The following CACNB4 variants were observed in gnomAD, a reference collection of about 807,000 sequenced individuals.
CACNB4 encodes calcium voltage-gated channel auxiliary subunit beta 4.
Under a neutral mutation model 71.2 loss-of-function variants are expected in CACNB4, and 32 were observed. The ratio of observed to expected loss-of-function variants is 0.45; its 90% confidence interval spans 0.34 to 0.60. CACNB4 has a LOEUF of 0.60. Ranked by LOEUF, CACNB4 falls within the 20% of genes least tolerant of loss-of-function variation. CACNB4 has a pLI of 0.01. For synonymous variants in CACNB4, 231 were observed against 236.9 expected (o/e 0.97, Z 0.23); for missense variants, 464 against 647.9 (o/e 0.72, Z 3.08).
chr2:152,098,824 G>A lies in CACNB4; in HGVS notation c.63+125C>T, dbSNP rs529209177. 6.6e-5 allele frequency: 65 copies of A among 989,870 alleles called. No individual in the cohort carries two copies. The Admixed American group carries it at 1.4e-3, about 21-fold the overall frequency. 61.3% of individuals were successfully genotyped at this position (989,870 alleles called of 1,614,324 possible). A position where few individuals can be genotyped will look rare whatever the true frequency, so the allele number is the denominator to read the frequency against. The stretch of plus-strand genomic sequence containing the variant: ...GACGTGGAGGAGGGGTGGGGGGAGC[G>A]GGGCCGCCGACTCCCGGGACTGGGG... On this transcript the variant is annotated intron_variant, in intron 1 of 13. Transcript: ENST00000539935. The surrounding 1 kb of genome is among the most constrained non-coding windows in gnomAD (Gnocchi z 5.3).
chr2:151,988,445 A>G (rs1161436035), intron 2 of CACNB4, among the ~76,000 whole-genome samples: 1 of 152,160 alleles, frequency 6.6e-6, no homozygotes, highest in Admixed American at 6.5e-5. Context: ...ATCAAATAAT[A>G]AATATATATA....
chr2:152,062,636 C>T (rs1041109700), intron 2 of CACNB4, among the ~76,000 whole-genome samples: 5 of 152,120 alleles, frequency 3.3e-5, no homozygotes, highest in Admixed American at 3.3e-4. Flanking sequence ...CAGCTCTTCA[C>T]GGAGCACTGA....
chr2:151,981,857 G>A (rs1351847465), intron 2 of CACNB4, among the ~76,000 whole-genome samples: 1 of 152,126 alleles, frequency 6.6e-6, no homozygotes, highest in Non-Finnish European at 1.5e-5. Context: ...CAGCAAGCGT[G>A]CTAAAACCTC....
chr2:151,964,001 G>A (rs75489453), intron 2 of CACNB4, among the ~76,000 whole-genome samples: 2,867 of 149,794 alleles, frequency 0.019, 36 homozygotes, highest in Middle Eastern at 0.031. Context: ...CCCGGGAGAC[G>A]GAGGTTGCAG....
chr2:151,931,583 TC>T (rs1165706792), intron 2 of CACNB4, among the ~76,000 whole-genome samples: 3 of 151,966 alleles, frequency 2.0e-5, no homozygotes, highest in Non-Finnish European at 2.9e-5. Context: ...ATTTGGAAGC[TC>T]CCCCTTGGTC....
At chr2:152,066,969 G>C (rs1256422145) in intron 2 of CACNB4, among the ~76,000 whole-genome samples, 4 of 138,584 alleles carry the variant, frequency 2.9e-5, no homozygotes, top group African/African-American at 1.1e-4. Flanking sequence ...ACAGGAAGGG[G>C]AACATCACAC....
rs1379406278 is a variant in CACNB4, at chr2:152,080,232, C to T, written c.147+18098G>A. Among the ~76,000 whole-genome samples, 4 of 152,024 alleles carry T rather than the reference C, an allele frequency of 2.6e-5. No homozygotes were observed. In the South Asian group the frequency reaches 8.3e-4, roughly 32 times the overall value. Reference sequence around the variant, plus strand: ...TGCCTCCTGGGTTCAAGCGATTCTCCTGCCTCAGCCTCCTGACTAGCTGGG... The same window carrying T: ...TGCCTCCTGGGTTCAAGCGATTCTCTTGCCTCAGCCTCCTGACTAGCTGGG... On this transcript the variant is annotated intron_variant, in intron 2 of 13. Transcript: ENST00000539935.
rs574596409 is a variant in CACNB4 at position 151,852,240 on chromosome 2, TTAGAGA to T, written c.1116+1202_1116+1207del. On this transcript the variant is annotated intron_variant, in intron 12 of 13. Coordinates refer to ENST00000539935, the MANE Select transcript of CACNB4 (RefSeq NM_000726.5). ...CTATCTCACCAGGTAACTGTGAAGA[TTAGAGA>T]TAATCTATGTAAAGCATCTAGCACA... The T allele has an allele frequency of 1.6e-3, 237 of 152,328 alleles. 1 individual carries two copies. Among genetic ancestry groups the T allele is most frequent in the African/African-American group, 5.3e-3 (221 of 41,568 alleles). The allele number at this position is 152,328 out of a possible 1,614,324, so 9.4% of individuals were successfully genotyped here. A position where few individuals can be genotyped will look rare whatever the true frequency, so the allele number is the denominator to read the frequency against.
rs145496444 is a variant in CACNB4, at chr2:151,959,651, T to C, written c.148-76281A>G. ...TTATGCATTTCTCATCCTTTTTCTATCTTATTTGTATCCGACTCTTTTTTT... is the reference window on the plus strand; with the variant it reads ...TTATGCATTTCTCATCCTTTTTCTACCTTATTTGTATCCGACTCTTTTTTT... On this transcript the variant is annotated intron_variant, in intron 2 of 13. Transcript: ENST00000539935. Among the ~76,000 whole-genome samples, 164 of 152,336 alleles carry C rather than the reference T, an allele frequency of 1.1e-3. 1 individual carries two copies. Among genetic ancestry groups the C allele is most frequent in the Non-Finnish European group, 1.5e-3 (101 of 68,024 alleles).
chr2:151,871,410 C>T (rs2099844598), intron 6 of CACNB4: 1 of 152,742 alleles, frequency 6.5e-6, no homozygotes, highest in Non-Finnish European at 1.5e-5. Flanking sequence ...ACCAGTTATT[C>T]CTCAGATAAA....
At chr2:152,027,357 T>C (rs1196086324) in intron 2 of CACNB4, among the ~76,000 whole-genome samples, 1 of 152,252 alleles carries the variant, frequency 6.6e-6, no homozygotes, top group Non-Finnish European at 1.5e-5. Flanking sequence ...GGAAATTGGA[T>C]GCTGAACAAA....
chr2:152,077,604 C>T (rs1452624630), intron 2 of CACNB4, among the ~76,000 whole-genome samples: 1 of 151,996 alleles, frequency 6.6e-6, no homozygotes, highest in Non-Finnish European at 1.5e-5. Flanking sequence ...GTGGTGCACA[C>T]CTGTAGTCCC....
At position 152,000,833 on chromosome 2, in the gene CACNB4, C is replaced by T. The variant is rs909982051; in HGVS notation, c.147+97497G>A. Among the ~76,000 whole-genome samples, 6 of 152,308 alleles carry T rather than the reference C, an allele frequency of 3.9e-5. No individual in the cohort carries two copies. In the East Asian group the frequency reaches 5.8e-4, roughly 15 times the overall value. On this transcript the variant is annotated intron_variant, in intron 2 of 13. Transcript: ENST00000539935. ...GACAAGACTGCAGCGAGGACTGATG[C>T]TCATGGCCTGGGCGGAGGATGTGCA...
At chr2:151,882,614 G>A (rs1036575074) in intron 3 of CACNB4, among the ~76,000 whole-genome samples, 1 of 152,196 alleles carries the variant, frequency 6.6e-6, no homozygotes, top group African/African-American at 2.4e-5. Flanking sequence ...GGAAGCACAT[G>A]GAATGGGAGA....
In CACNB4 at chr2:152,074,463, C is replaced by T. The variant is rs187349167; in HGVS notation, c.147+23867G>A. ...CCAAGCCATCGTGGCATAATCACTACTATCACTACTACTGTCCCCACCCTC... is the reference window on the plus strand; with the variant it reads ...CCAAGCCATCGTGGCATAATCACTATTATCACTACTACTGTCCCCACCCTC... On this transcript the variant is annotated intron_variant, in intron 2 of 13. Transcript: ENST00000539935. Among the ~76,000 whole-genome samples, 10 of 150,998 alleles carry T rather than the reference C, an allele frequency of 6.6e-5. No homozygotes were observed. The East Asian group carries it at 2.0e-3, about 30-fold the overall frequency.
chr2:152,068,917 C>T (rs1383198983), intron 2 of CACNB4, among the ~76,000 whole-genome samples: 1 of 152,198 alleles, frequency 6.6e-6, no homozygotes, highest in Non-Finnish European at 1.5e-5. Context: ...GGCCCTACCC[C>T]TCTAGCCACT....
intron 2 of CACNB4, among the ~76,000 whole-genome samples, chr2:151,977,763 C>T (rs753077340): frequency 5.9e-5 from 9 of 152,250 alleles, no homozygotes; most frequent in East Asian, 1.9e-4. Context: ...TGTAGTTATG[C>T]GTTCTATAGC....
chr2:152,068,467 T>A (rs1246401590), intron 2 of CACNB4, among the ~76,000 whole-genome samples: 1 of 152,192 alleles, frequency 6.6e-6, no homozygotes, highest in Non-Finnish European at 1.5e-5. Flanking sequence ...ATCAAAGGAA[T>A]ATGTATCAGT....
intron 5 of CACNB4, 163 bp from the exon 6 acceptor site, chr2:151,872,656 C>A: frequency 1.9e-6 from 1 of 512,952 alleles, no homozygotes; most frequent in Non-Finnish European, 3.4e-6. Flanking sequence ...TTTCTTTGAC[C>A]TCATTTCTAA....
Sources: allele counts gnomAD v4.1 joint callset (sites outside exome capture counted in the v4.1 genomes callset), GRCh38; gene constraint gnomAD v4.1.1; non-coding constraint Gnocchi (gnomAD v3.1); transcripts MANE v1.5; gene names NCBI Gene and HGNC (gene_info 2026-07-23, HGNC 2026-07-21).